The following MGAM variants were observed in gnomAD, a reference collection of about 807,000 sequenced individuals.
MGAM encodes alpha-1,4-glucosidase.
MGAM carries 253 observed loss-of-function variants against 358.8 expected under a neutral mutation model. That is an observed-to-expected ratio of 0.71 (90% CI 0.64 to 0.78). The LOEUF (loss-of-function observed/expected upper bound fraction) is 0.78. MGAM is among the 30% of genes least tolerant of loss of function. MGAM has a pLI of 0.00. For missense variants in MGAM, 3,080 were observed against 3,432.6 expected (o/e 0.90, Z 2.57); for synonymous variants, 1,105 against 1,227.1 (o/e 0.90, Z 2.08).
intron 14 of MGAM, 79 bp downstream of exon 14, chr7:142,032,988 C>A (rs1349303759): frequency 7.4e-6 from 7 of 947,474 alleles, no homozygotes; most frequent in Non-Finnish European, 9.3e-6. Context: ...TCTGAAAAAT[C>A]TGGCAAGGGA....
chr7:142,033,649 C>T lies in MGAM; in HGVS notation c.1670-613C>T, dbSNP rs886574804. ...TATTTTACTCTTTTGGTGTTAGAAG[C>T]TACTTATCTTTTAGTAATAGAGAAG... On this transcript the variant is annotated intron_variant, in intron 14 of 70. Transcript: ENST00000475668. Among the ~76,000 whole-genome samples the T allele has an allele frequency of 6.6e-5, 10 of 152,192 alleles. No individual in the cohort carries two copies. In the East Asian group the frequency reaches 1.7e-3, roughly 26 times the overall value.
chr7:142,006,987 G>A, intron 2 of MGAM, among the ~76,000 whole-genome samples: 1 of 151,860 alleles, frequency 6.6e-6, no homozygotes, highest in East Asian at 1.9e-4. Flanking sequence ...TGATTTCTTT[G>A]GGGCATTGTC....
Position 142,058,253 on chromosome 7 carries a change from G to T in MGAM, c.3744G>T (p.Leu1248=). ...MVPYWSLGFQ[L]CRYGYQNDSE... The stretch of plus-strand genomic sequence containing the variant: ...CTTACTGGTCTTTGGGGTTCCAGCT[G>T]TGTCGCTATGGCTACCAGAATGACT... The change falls in exon 31 of 71, where the codon CTG becomes CTT. Residue 1248 remains leucine (L), a synonymous_variant. Transcript: ENST00000475668. 6.2e-7 allele frequency: 1 copy of T among 1,613,950 alleles called. No homozygotes were observed. Among genetic ancestry groups the T allele is most frequent in the South Asian group, 1.1e-5 (1 of 91,080 alleles).
chr7:142,089,249 AT>A (rs1815137477), intron 57 of MGAM, among the ~76,000 whole-genome samples: 1 of 146,068 alleles, frequency 6.8e-6, no homozygotes, highest in African/African-American at 2.4e-5. Context: ...TCCTGAGGCA[AT>A]TTGGAAATCT....
At chr7:142,008,065 T>C (rs1357118369) in intron 2 of MGAM, among the ~76,000 whole-genome samples, 1 of 152,212 alleles carries the variant, frequency 6.6e-6, no homozygotes, top group African/African-American at 2.4e-5. Context: ...TTTGCCCTAG[T>C]AGCACAAAGC....
chr7:142,020,855 G>A (rs1459221840), intron 4 of MGAM, 119 bp from the exon 5 acceptor site: 21 of 723,690 alleles, frequency 2.9e-5, no homozygotes, highest in Non-Finnish European at 4.7e-5. Context: ...GCCTCCCAAA[G>A]TGCTGGGATT....
chr7:141,993,837 A>G (rs75402060), upstream of MGAM, among the ~76,000 whole-genome samples: 4,978 of 152,316 alleles, frequency 0.033, 294 homozygotes, highest in African/African-American at 0.11. Context: ...TGCAATCGCT[A>G]TTAGACATAT....
chr7:142,013,023 G>A (rs1805712860), intron 3 of MGAM, among the ~76,000 whole-genome samples: 1 of 152,144 alleles, frequency 6.6e-6, no homozygotes, highest in Non-Finnish European at 1.5e-5. Flanking sequence ...ATCAGTCTCA[G>A]GGCGGCCCAG....
At chr7:142,062,893 C>G (rs1812355977) in intron 35 of MGAM, among the ~76,000 whole-genome samples, 191 bp downstream of exon 35, 1 of 152,162 alleles carries the variant, frequency 6.6e-6, no homozygotes, top group African/African-American at 2.4e-5. Flanking sequence ...ACCTGACGCT[C>G]CTACTGTAAA....
chr7:142,100,965 A>G, intron 68 of MGAM, 75 bp downstream of exon 68: 2 of 1,306,312 alleles, frequency 1.5e-6, no homozygotes, highest in Non-Finnish European at 2.1e-6. Context: ...GCCTGCTTTC[A>G]CCTTTTCCCT....
At position 142,089,701 on chromosome 7, in the gene MGAM, C is replaced by T. The variant is rs1042361126; in HGVS notation, c.6811-2212C>T. On this transcript the variant is annotated intron_variant, in intron 57 of 70. Coordinates refer to ENST00000475668, the MANE Select transcript of MGAM (RefSeq NM_001365693.1). ...ACTTAGGAGGCTGAGGTAGGAGAAT[C>T]GCTTGAACCCGGGAGGCAGAGGTTG... Among the ~76,000 whole-genome samples, 7 of 145,118 alleles carry T rather than the reference C, an allele frequency of 4.8e-5. 1 individual carries two copies. Among genetic ancestry groups the T allele is most frequent in the East Asian group, 2.0e-4 (1 of 4,942 alleles).
intron 2 of MGAM, 36 bp from the exon 3 acceptor site, chr7:142,008,470 T>G (rs1445629569): frequency 6.4e-7 from 1 of 1,556,992 alleles, no homozygotes; most frequent in African/African-American, 1.4e-5. Flanking sequence ...AAATTAAATT[T>G]GTCTAATGGT....
intron 2 of MGAM, among the ~76,000 whole-genome samples, chr7:142,008,084 A>C (rs782620993): frequency 2.0e-5 from 3 of 152,208 alleles, no homozygotes; most frequent in Non-Finnish European, 4.4e-5. Flanking sequence ...GCAGCTAAAA[A>C]CAAACGAGTT....
chr7:142,044,104 A>ATACATTATATACACATACGACGTATATG (rs1809572464), intron 21 of MGAM, among the ~76,000 whole-genome samples: 3 of 124,500 alleles, frequency 2.4e-5, no homozygotes, highest in African/African-American at 1.1e-4. Flanking sequence ...CGTATAATAT[A>ATACATTATATACACATACGACGTATATG]TACATTATAT....
Position 142,065,979 on chromosome 7 carries a change from T to C in MGAM, c.4770+148T>C. The C allele has an allele frequency of 3.9e-6, 3 of 768,234 alleles. 1 individual carries two copies. The highest frequency in any genetic ancestry group is 6.0e-6 in the Non-Finnish European group (3 of 501,398). The allele number at this position is 768,234 out of a possible 1,614,324, so 47.6% of individuals were successfully genotyped here. On this transcript the variant is annotated intron_variant, in intron 40 of 70. Transcript: ENST00000475668. ...TTTTGTTTTGTTTTGTTTTTTTTTT[T>C]GAAACAGGGATTTACTCTGTTGGCC... is the stretch of plus-strand genomic sequence containing the variant.
At position 142,100,879 on chromosome 7, in the gene MGAM, G is replaced by A; in HGVS notation, c.7952G>A (p.Gly2651Glu). Residue 2651 changes from glycine to glutamate, a missense_variant, in exon 68 of 71, where the codon GGG (glycine) becomes GAG (glutamate). Coordinates refer to ENST00000475668, the MANE Select transcript of MGAM (RefSeq NM_001365693.1). ...GGGGGCTGGCTCTTCTGGGATGATG[G>A]GCAAAGCATTGGTGAGTAGAGGTTG... ...TAGGWLFWDDGQSIDTYGKGL... is the reference protein window; with the variant it reads ...TAGGWLFWDDEQSIDTYGKGL... 1 of 1,612,988 alleles carries A rather than the reference G, an allele frequency of 6.2e-7. No homozygotes were observed. The highest frequency in any genetic ancestry group is 8.5e-7 in the Non-Finnish European group (1 of 1,179,544).
intron 3 of MGAM, among the ~76,000 whole-genome samples, chr7:142,017,896 G>C (rs1408908208): frequency 6.6e-6 from 1 of 152,130 alleles, no homozygotes; most frequent in African/African-American, 2.4e-5. Flanking sequence ...AGAAAAAAAA[G>C]AAATGGATAG....
Position 142,090,480 on chromosome 7 carries a change from C to T in MGAM, c.6811-1433C>T, listed in dbSNP as rs746241862. On this transcript the variant is annotated intron_variant, in intron 57 of 70. Coordinates refer to ENST00000475668, the MANE Select transcript of MGAM (RefSeq NM_001365693.1). ...CCTAACAAAAGGCATCCCTGGCATG[C>T]CCACTTCTGTCAAGATTCTCCGTGA... Among the ~76,000 whole-genome samples, 8 of 145,958 alleles carry T rather than the reference C, an allele frequency of 5.5e-5. 1 individual carries two copies. The highest frequency in any genetic ancestry group is 1.2e-4 in the Non-Finnish European group (8 of 64,490).
chr7:142,017,941 A>C (rs922617345), intron 3 of MGAM, among the ~76,000 whole-genome samples: 5 of 152,248 alleles, frequency 3.3e-5, no homozygotes, highest in African/African-American at 1.2e-4. Context: ...CCTTCTCAAT[A>C]GCTGAGTAAC....
Sources: allele counts gnomAD v4.1 joint callset (sites outside exome capture counted in the v4.1 genomes callset), GRCh38; gene constraint gnomAD v4.1.1; transcripts MANE v1.5; gene names NCBI Gene and HGNC (gene_info 2026-07-23, HGNC 2026-07-21).